The following CADM2 variants were observed in gnomAD, a reference collection of about 807,000 sequenced individuals.
The protein encoded by CADM2 is cell adhesion molecule 2.
A neutral mutation model predicts 49.8 loss-of-function variants in CADM2; 12 were observed. The ratio of observed to expected loss-of-function variants is 0.24; its 90% confidence interval spans 0.15 to 0.39. The LOEUF is 0.39. CADM2 is among the 10% of genes least tolerant of loss of function. The pLI, the probability that CADM2 is intolerant of heterozygous loss-of-function variation, is 1.00. For synonymous variants in CADM2, 214 were observed against 175.4 expected (o/e 1.22, Z -1.74); for missense variants, 378 against 492.3 (o/e 0.77, Z 2.20).
chr3:85,309,985 C>G (rs999192293), intron 1 of CADM2, among the ~76,000 whole-genome samples: 1 of 152,158 alleles, frequency 6.6e-6, no homozygotes, highest in Non-Finnish European at 1.5e-5. Context: ...GTTCCTTAGA[C>G]AAAGACTCTT....
chr3:85,096,488 A>G (rs1454824775), intron 1 of CADM2, among the ~76,000 whole-genome samples: 1 of 152,140 alleles, frequency 6.6e-6, no homozygotes, highest in Admixed American at 6.6e-5. Context: ...ATGTCTAGAT[A>G]TTTATTCTAG....
intron 1 of CADM2, among the ~76,000 whole-genome samples, chr3:85,003,114 C>T (rs966245942): frequency 6.6e-6 from 1 of 152,094 alleles, no homozygotes; most frequent in African/African-American, 2.4e-5. Context: ...TGAGAATCTC[C>T]ATCCACACAA....
intron 5 of CADM2, among the ~76,000 whole-genome samples, chr3:85,912,070 A>C (rs1199822403): frequency 6.6e-6 from 1 of 151,734 alleles, no homozygotes; most frequent in African/African-American, 2.4e-5. Context: ...CAGCCTCCCG[A>C]GTAGCTGGGA....
chr3:85,232,488 G>C (rs950675588), intron 1 of CADM2, among the ~76,000 whole-genome samples: 1 of 152,056 alleles, frequency 6.6e-6, no homozygotes, highest in Non-Finnish European at 1.5e-5. Context: ...ACAAGCCACA[G>C]ACTGAGAAAA....
chr3:85,353,032 A>G (rs894198554), intron 1 of CADM2, among the ~76,000 whole-genome samples: 1 of 152,158 alleles, frequency 6.6e-6, no homozygotes, highest in Non-Finnish European at 1.5e-5. Flanking sequence ...TTATCCTTAA[A>G]TGCTTTGAAC....
At chr3:85,434,298 G>A (rs73138726) in intron 1 of CADM2, among the ~76,000 whole-genome samples, 8,521 of 151,604 alleles carry the variant, frequency 0.056, 386 homozygotes, top group Non-Finnish European at 0.08. Flanking sequence ...TGATATTTTA[G>A]ACTTCAATTA....
intron 1 of CADM2, among the ~76,000 whole-genome samples, chr3:85,555,101 TC>T (rs2061926915): frequency 6.6e-6 from 1 of 152,256 alleles, no homozygotes; most frequent in East Asian, 1.9e-4. Flanking sequence ...GTCACTGCTT[TC>T]ACTGTGTTTT....
intron 1 of CADM2, among the ~76,000 whole-genome samples, chr3:84,968,085 T>G (rs1190538799): frequency 4.6e-5 from 7 of 152,062 alleles, no homozygotes; most frequent in Admixed American, 4.6e-4. Context: ...TGTTATATTT[T>G]TATTTTGCTT....
At position 86,070,386 on chromosome 3, in the gene CADM2, G is replaced by C. The variant is rs1739755224; in HGVS notation, c.*3603G>C. ...AACATAGCAGTTATCGTGTAATTTA[G>C]TGCCACTTATTGCAAAGTGTTACCA... is the stretch of plus-strand genomic sequence containing the variant. On this transcript the variant is annotated 3_prime_UTR_variant, in exon 10 of 10. Coordinates refer to ENST00000383699, the MANE Select transcript of CADM2 (RefSeq NM_001167675.2). 2 of 151,844 alleles carry C rather than the reference G, an allele frequency of 1.3e-5. No homozygotes were observed. The highest frequency in any genetic ancestry group is 1.3e-4 in the Admixed American group (2 of 15,208). The allele number at this position is 151,844 out of a possible 1,614,324, so 9.4% of individuals were successfully genotyped here.
chr3:85,635,114 A>G (rs2064427011), intron 1 of CADM2, among the ~76,000 whole-genome samples: 1 of 152,082 alleles, frequency 6.6e-6, no homozygotes, highest in Admixed American at 6.5e-5. Flanking sequence ...ATTAGTGGAT[A>G]CTTCTTAAGG....
intron 8 of CADM2, among the ~76,000 whole-genome samples, chr3:86,009,307 C>T (rs1440535322): frequency 6.7e-6 from 1 of 150,146 alleles, no homozygotes; most frequent in African/African-American, 2.4e-5. Flanking sequence ...ATGACATTAC[C>T]TATTTGCATG....
intron 1 of CADM2, among the ~76,000 whole-genome samples, chr3:85,203,437 C>T (rs977998768): frequency 1.3e-5 from 2 of 152,082 alleles, no homozygotes; most frequent in Admixed American, 1.3e-4. Flanking sequence ...AGCATCAGAA[C>T]ACACACAGCA....
chr3:85,833,902 A>T (rs192881216), intron 3 of CADM2, among the ~76,000 whole-genome samples: 40 of 151,710 alleles, frequency 2.6e-4, no homozygotes, highest in African/African-American at 9.4e-4. Context: ...TAAAAATGCC[A>T]TTGGAATTTT....
intron 3 of CADM2, among the ~76,000 whole-genome samples, chr3:85,842,796 T>G (rs998255511): frequency 2.0e-5 from 3 of 152,158 alleles, no homozygotes; most frequent in African/African-American, 4.8e-5. Flanking sequence ...TAACTTCTTA[T>G]AGGAGACATC....
chr3:85,792,726 G>A (rs2071408679), intron 2 of CADM2, among the ~76,000 whole-genome samples: 1 of 152,230 alleles, frequency 6.6e-6, no homozygotes, highest in African/African-American at 2.4e-5. Flanking sequence ...CCAATCAAGA[G>A]ATAGCAAGGC....
intron 1 of CADM2, among the ~76,000 whole-genome samples, chr3:85,341,669 A>G (rs1034268582): frequency 1.3e-5 from 2 of 152,024 alleles, no homozygotes; most frequent in African/African-American, 4.8e-5. Context: ...AAACCTGCAC[A>G]TTCTGCATAT....
At chr3:85,041,612 G>A (rs1030044970) in intron 1 of CADM2, among the ~76,000 whole-genome samples, 3 of 152,144 alleles carry the variant, frequency 2.0e-5, no homozygotes, top group Non-Finnish European at 4.4e-5. Flanking sequence ...TTCAAGGAGT[G>A]AGGATTTAGT....
intron 1 of CADM2, among the ~76,000 whole-genome samples, chr3:84,975,628 TCC>T (rs1025740547): frequency 6.6e-6 from 1 of 151,718 alleles, no homozygotes; most frequent in African/African-American, 2.4e-5. Context: ...ACATAATAAA[TCC>T]CCCTTGCTGC....
At chr3:85,325,691 A>G (rs2044733115) in intron 1 of CADM2, among the ~76,000 whole-genome samples, 1 of 127,528 alleles carries the variant, frequency 7.8e-6, no homozygotes. Flanking sequence ...ACTCCATCAA[A>G]AAAAAAAAAA....
Sources: gnomAD v4.1 joint callset for allele counts (sites outside exome capture counted in the v4.1 genomes callset) on GRCh38, gnomAD v4.1.1 for gene constraint, MANE v1.5 for transcripts, NCBI Gene and HGNC (gene_info 2026-07-23, HGNC 2026-07-21) for gene names.